The following NRG3 variants were observed in gnomAD, a reference collection of about 807,000 sequenced individuals.
NRG3 encodes the protein pro-neuregulin-3, membrane-bound isoform.
A neutral mutation model predicts 66.9 loss-of-function variants in NRG3; 31 were observed. The ratio of observed to expected loss-of-function variants is 0.46; its 90% CI spans 0.35 to 0.63. The LOEUF is 0.63. Ranked by LOEUF, NRG3 falls within the 20% of genes least tolerant of loss-of-function variation. NRG3 has a pLI of 0.00. For synonymous variants in NRG3, 393 were observed against 359.4 expected, an observed-to-expected ratio of 1.09 and a Z score of -1.06; for missense variants, 910 against 878.9, an observed-to-expected ratio of 1.04 and a Z score of -0.45.
intron 1 of NRG3, among the ~76,000 whole-genome samples, chr10:82,169,378 A>T (rs577834966): frequency 5.9e-5 from 9 of 152,036 alleles, no homozygotes; most frequent in Non-Finnish European, 1.2e-4. Flanking sequence ...CTTAAGGAAC[A>T]ATTATCTATA....
At chr10:81,893,210 ATATG>A (rs1843192161) in intron 1 of NRG3, among the ~76,000 whole-genome samples, 1 of 146,876 alleles carries the variant, frequency 6.8e-6, no homozygotes, top group African/African-American at 2.7e-5. Context: ...TGCTTTAGGA[ATATG>A]TATTTGCAAA....
chr10:82,161,084 G>A (rs1274953371), intron 1 of NRG3, among the ~76,000 whole-genome samples: 2 of 152,028 alleles, frequency 1.3e-5, no homozygotes, highest in African/African-American at 4.8e-5. Flanking sequence ...AAAGAACAAG[G>A]TATAGGGAAG....
intron 2 of NRG3, among the ~76,000 whole-genome samples, chr10:82,542,944 C>T (rs945135582): frequency 6.6e-6 from 1 of 150,820 alleles, no homozygotes; most frequent in African/African-American, 2.4e-5. Context: ...CAGACTGGAG[C>T]ACAATGGCAA....
chr10:82,043,565 T>G (rs1277770764), intron 1 of NRG3, among the ~76,000 whole-genome samples: 1 of 151,958 alleles, frequency 6.6e-6, no homozygotes, highest in Non-Finnish European at 1.5e-5. Flanking sequence ...CAATTTCTGT[T>G]TGGGTAGTGA....
chr10:82,427,406 C>T (rs780205854), intron 2 of NRG3, among the ~76,000 whole-genome samples: 24 of 151,984 alleles, frequency 1.6e-4, no homozygotes, highest in African/African-American at 5.3e-4. Flanking sequence ...AGACTTTTTG[C>T]CAAATGCTTT....
intron 1 of NRG3, among the ~76,000 whole-genome samples, chr10:82,183,455 T>A (rs910321744): frequency 1.3e-5 from 2 of 152,098 alleles, no homozygotes; most frequent in Non-Finnish European, 2.9e-5. Context: ...ATTTTTCAGT[T>A]CAGTTATTGC....
chr10:82,488,862 A>G (rs980154590), intron 2 of NRG3, among the ~76,000 whole-genome samples: 3 of 151,938 alleles, frequency 2.0e-5, no homozygotes, highest in Admixed American at 6.6e-5. Flanking sequence ...AATATTTAGG[A>G]AAAAAAATGT....
At chr10:82,213,126 T>C (rs918057613) in intron 1 of NRG3, among the ~76,000 whole-genome samples, 3 of 152,196 alleles carry the variant, frequency 2.0e-5, no homozygotes, top group Non-Finnish European at 4.4e-5. Flanking sequence ...GGTAGAGTGG[T>C]AATGAGAGCC....
chr10:82,523,503 C>T (rs779579934), intron 2 of NRG3, among the ~76,000 whole-genome samples: 30 of 151,954 alleles, frequency 2.0e-4, no homozygotes, highest in Admixed American at 7.9e-4. Flanking sequence ...ATGTCCTTAC[C>T]GGCCAATTTT....
At chr10:82,356,201 T>C (rs1459472748) in intron 1 of NRG3, among the ~76,000 whole-genome samples, 1 of 152,182 alleles carries the variant, frequency 6.6e-6, no homozygotes. Context: ...GGAAATTAAT[T>C]GATTGTAATT....
chr10:82,493,544 G>A (rs1314897032), intron 2 of NRG3, among the ~76,000 whole-genome samples: 2 of 152,022 alleles, frequency 1.3e-5, no homozygotes, highest in Non-Finnish European at 2.9e-5. Context: ...TGGACATTTG[G>A]GTTAATTCTG....
chr10:82,347,628 C>T (rs2083117105), intron 1 of NRG3, among the ~76,000 whole-genome samples: 1 of 151,946 alleles, frequency 6.6e-6, no homozygotes, highest in African/African-American at 2.4e-5. Context: ...TCCTTGTTGA[C>T]TTTCTGTCTC....
At chr10:82,825,805 G>A (rs1465828767) in intron 3 of NRG3, among the ~76,000 whole-genome samples, 6 of 152,166 alleles carry the variant, frequency 3.9e-5, no homozygotes, top group South Asian at 4.1e-4. Context: ...TATTATAAAA[G>A]TGAGCCTATT....
intron 2 of NRG3, among the ~76,000 whole-genome samples, chr10:82,518,450 A>C (rs1476802070): frequency 6.6e-6 from 1 of 152,238 alleles, no homozygotes; most frequent in Non-Finnish European, 1.5e-5. Flanking sequence ...AATGATAAGC[A>C]GATCACAACA....
chr10:82,176,906 A>ACACACAC (rs1251109253), intron 1 of NRG3, among the ~76,000 whole-genome samples: 1,118 of 51,572 alleles, frequency 0.022, 21 homozygotes, highest in East Asian at 0.12. Context: ...CACACACACA[A>ACACACAC]ACACACACAC....
intron 2 of NRG3, among the ~76,000 whole-genome samples, chr10:82,386,978 T>A (rs979070800): frequency 5.9e-5 from 9 of 152,122 alleles, no homozygotes; most frequent in Admixed American, 5.9e-4. Context: ...TTTTGTATTT[T>A]TAGTAGATAT....
chr10:82,344,970 G>C (rs935230395), intron 1 of NRG3, among the ~76,000 whole-genome samples: 7 of 111,928 alleles, frequency 6.3e-5, no homozygotes, highest in Non-Finnish European at 9.6e-5. Context: ...TTAGCCCTTT[G>C]TCAGATGAGT....
rs1482151759 is a variant in NRG3, at chr10:82,738,622, G to A, written c.999G>A (p.Pro333=). The change falls in exon 3 of 9, where the codon CCG becomes CCA. Residue 333 remains proline (P), a synonymous_variant. Transcript: ENST00000372141. Reference sequence around the variant, plus strand: ...GAGTCCGTTGTGATCAATTTCTGCCGAAAACTGATTCCATCTTATCGGATC... The same window carrying A: ...GAGTCCGTTGTGATCAATTTCTGCCAAAAACTGATTCCATCTTATCGGATC... ...YQGVRCDQFL[P]KTDSILSDPT... is the part of the protein sequence containing the mutation. The A allele has an allele frequency of 5.6e-6, 9 of 1,614,116 alleles. No homozygotes were observed. Among genetic ancestry groups the A allele is most frequent in the East Asian group, 2.2e-5 (1 of 44,874 alleles).
intron 1 of NRG3, among the ~76,000 whole-genome samples, chr10:81,950,960 A>G (rs1849295034): frequency 6.6e-6 from 1 of 152,164 alleles, no homozygotes; most frequent in African/African-American, 2.4e-5. Context: ...CTTGAGAAAA[A>G]AAAAATTTAA....
Sources: allele counts gnomAD v4.1 joint callset (sites outside exome capture counted in the v4.1 genomes callset), GRCh38; gene constraint gnomAD v4.1.1; transcripts MANE v1.5; gene names NCBI Gene and HGNC (gene_info 2026-07-23, HGNC 2026-07-21).